Variants in CCDC102B observed in about 807,000 individuals in gnomAD.
CCDC102B encodes coiled-coil domain containing 102B, also known as coiled-coil domain-containing protein 102B.
In CCDC102B, 75 loss-of-function variants were observed where a neutral mutation model predicts 57.4. The ratio of observed to expected loss-of-function variants is 1.31; its 90% CI spans 1.08 to 1.58. The LOEUF (loss-of-function observed/expected upper bound fraction) is 1.58. CCDC102B is among the 40% of genes most tolerant of loss of function. The pLI is 0.00. For missense variants in CCDC102B, 636 were observed against 582.6 expected, an observed-to-expected ratio of 1.09 and a Z score of -0.94; for synonymous variants, 206 against 201.9, an observed-to-expected ratio of 1.02 and a Z score of -0.17.
chr18:68,834,575 C>T (rs1321348383), intron 1 of CCDC102B, among the ~76,000 whole-genome samples: 1 of 150,906 alleles, frequency 6.6e-6, no homozygotes, highest in South Asian at 2.1e-4. Context: ...ACAAAACACT[C>T]CAAATCAGCA....
At chr18:68,994,591 G>A (rs553456600) in intron 6 of CCDC102B, among the ~76,000 whole-genome samples, 62 of 152,076 alleles carry the variant, frequency 4.1e-4, no homozygotes, top group Middle Eastern at 3.4e-3. Context: ...CGCCCTTGTG[G>A]TTCTTCTGAC....
At chr18:68,737,495 T>C (rs1199120363) in intron 2 of CCDC102B, among the ~76,000 whole-genome samples, 2 of 151,440 alleles carry the variant, frequency 1.3e-5, no homozygotes, top group African/African-American at 4.9e-5. Context: ...TGTGTATGTG[T>C]GTGTGTCTGT....
chr18:68,743,001 A>G (rs73970703), intron 2 of CCDC102B, among the ~76,000 whole-genome samples: 2 of 151,998 alleles, frequency 1.3e-5, no homozygotes, highest in East Asian at 3.9e-4. Flanking sequence ...TTAGGGCCAA[A>G]TTTTTAACTT....
intron 6 of CCDC102B, among the ~76,000 whole-genome samples, chr18:68,906,520 T>G (rs1289834371): frequency 6.6e-6 from 1 of 151,900 alleles, no homozygotes; most frequent in Non-Finnish European, 1.5e-5. Context: ...TTGTTTTTTA[T>G]TTTTGAATTA....
intron 4 of CCDC102B, among the ~76,000 whole-genome samples, chr18:68,849,960 A>G (rs920080635): frequency 7.9e-5 from 12 of 152,216 alleles, no homozygotes; most frequent in African/African-American, 2.6e-4. Flanking sequence ...TAGAAAAAAG[A>G]GAGAAAGGAG....
At chr18:68,760,119 A>T (rs1018991867) in intron 2 of CCDC102B, among the ~76,000 whole-genome samples, 1 of 152,080 alleles carries the variant, frequency 6.6e-6, no homozygotes, top group African/African-American at 2.4e-5. Context: ...CCTGCACACT[A>T]ATCTCTATCT....
At chr18:68,737,105 G>C (rs999779449) in intron 2 of CCDC102B, among the ~76,000 whole-genome samples, 5 of 151,838 alleles carry the variant, frequency 3.3e-5, no homozygotes, top group Non-Finnish European at 5.9e-5. Flanking sequence ...AGTCTCAAAG[G>C]CAAAGTGGTT....
At chr18:69,046,114 C>G (rs2145485735) in intron 7 of CCDC102B, among the ~76,000 whole-genome samples, 1 of 152,174 alleles carries the variant, frequency 6.6e-6, no homozygotes. Context: ...AGTATATACC[C>G]AACAATGGGA....
At chr18:68,982,932 C>T (rs1430298873) in intron 6 of CCDC102B, among the ~76,000 whole-genome samples, 1 of 151,830 alleles carries the variant, frequency 6.6e-6, no homozygotes, top group East Asian at 1.9e-4. Flanking sequence ...TTGTACATCA[C>T]TATTCTGTGA....
rs1555696520 is a variant in CCDC102B, at chr18:68,745,459, A to ATTTG, written c.-67+28868_-67+28869insGTTT. On this transcript the variant is annotated intron_variant, in intron 2 of 3. Coordinates refer to the CCDC102B transcript ENST00000578970. ...TGCCCTCATTTCATTTAAAAAATTA[A>ATTTG]TTTTTTTAATGAAGATATAATTGTA... Among the ~76,000 whole-genome samples the ATTTG allele has an allele frequency of 6.3e-3, 951 of 151,944 alleles. 9 individuals carry two copies. Among genetic ancestry groups the ATTTG allele is most frequent in the African/African-American group, 0.019 (785 of 41,428 alleles).
chr18:68,799,375 A>G (rs180834500), intron 1 of CCDC102B, among the ~76,000 whole-genome samples: 5 of 152,192 alleles, frequency 3.3e-5, no homozygotes, highest in Non-Finnish European at 7.4e-5. Flanking sequence ...TGCATCCTTC[A>G]TATGTTATCA....
chr18:68,896,127 G>A (rs2040233678), intron 5 of CCDC102B, among the ~76,000 whole-genome samples: 1 of 151,964 alleles, frequency 6.6e-6, no homozygotes, highest in Admixed American at 6.6e-5. Flanking sequence ...ACATTAGAAT[G>A]CATAGCTCAG....
intron 2 of CCDC102B, chr18:68,753,323 T>G (rs2033932131): frequency 6.6e-6 from 1 of 152,176 alleles, no homozygotes; most frequent in Non-Finnish European, 1.5e-5. Context: ...GTGGATGCGT[T>G]TTCTCAGCTG....
In CCDC102B at chr18:68,991,346, C is replaced by G. The variant is rs1428962893; in HGVS notation, c.1264-19588C>G. Reference sequence around the variant, plus strand: ...GGCTGATTTATCAAATGAAATTAAGCATTTTCAACAGCAACAAAAAGCATT... The same window carrying G: ...GGCTGATTTATCAAATGAAATTAAGGATTTTCAACAGCAACAAAAAGCATT... On this transcript the variant is annotated intron_variant, in intron 6 of 7. Transcript: ENST00000360242. 2.6e-5 allele frequency among the ~76,000 whole-genome samples: 4 copies of G among 152,306 alleles called. No homozygotes were observed. In the East Asian group the frequency reaches 7.7e-4, roughly 29 times the overall value.
chr18:68,942,702 T>C (rs1050019012), intron 6 of CCDC102B, among the ~76,000 whole-genome samples: 3 of 151,918 alleles, frequency 2.0e-5, no homozygotes, highest in Non-Finnish European at 4.4e-5. Flanking sequence ...TACAATCGGG[T>C]TTTACATGGA....
chr18:68,809,986 A>C (rs2036182333), intron 1 of CCDC102B, among the ~76,000 whole-genome samples: 1 of 152,236 alleles, frequency 6.6e-6, no homozygotes, highest in Non-Finnish European at 1.5e-5. Context: ...ATAACAATAG[A>C]AGTAAAGACA....
chr18:69,040,078 T>C (rs2145469740), intron 7 of CCDC102B, among the ~76,000 whole-genome samples: 1 of 151,992 alleles, frequency 6.6e-6, no homozygotes, highest in African/African-American at 2.4e-5. Context: ...GCTTATAAGG[T>C]ACCCTTATTT....
chr18:68,861,440 T>C (rs2038752275), intron 4 of CCDC102B, among the ~76,000 whole-genome samples: 1 of 152,226 alleles, frequency 6.6e-6, no homozygotes, highest in Admixed American at 6.5e-5. Flanking sequence ...TTAACCTTTG[T>C]TCTGAGTACT....
chr18:68,917,409 A>G (rs1599687880), intron 6 of CCDC102B, among the ~76,000 whole-genome samples: 1 of 152,264 alleles, frequency 6.6e-6, no homozygotes, highest in Non-Finnish European at 1.5e-5. Context: ...TGCGGGAAAG[A>G]TGCAAAGAAA....
Sources: allele counts gnomAD v4.1 joint callset (sites outside exome capture counted in the v4.1 genomes callset), GRCh38; gene constraint gnomAD v4.1.1; transcripts MANE v1.5; gene names NCBI Gene and HGNC (gene_info 2026-07-23, HGNC 2026-07-21).